Variants in PPM1H observed in about 807,000 individuals in gnomAD.
PPM1H encodes protein phosphatase, Mg2+/Mn2+ dependent 1H.
PPM1H carries 27 observed loss-of-function variants against 54.9 expected under a neutral mutation model. The ratio of observed to expected loss-of-function variants is 0.49; its 90% CI spans 0.36 to 0.68. PPM1H has a LOEUF of 0.68. Ranked by LOEUF, PPM1H falls within the 30% of genes least tolerant of loss-of-function variation. The pLI is 0.00. For synonymous variants in PPM1H, 305 were observed against 270.8 expected, an observed-to-expected ratio of 1.13 and a Z score of -1.24; for missense variants, 596 against 667.8, an observed-to-expected ratio of 0.89 and a Z score of 1.19.
chr12:62,727,729 T>G (rs189033480), intron 5 of PPM1H, among the ~76,000 whole-genome samples: 85 of 151,394 alleles, frequency 5.6e-4, no homozygotes, highest in Non-Finnish European at 4.4e-5. Context: ...GATGCAATCT[T>G]GGCTCACTGC....
chr12:62,653,638 T>G (rs2075827478), intron 9 of PPM1H, among the ~76,000 whole-genome samples: 1 of 152,350 alleles, frequency 6.6e-6, no homozygotes, highest in East Asian at 1.9e-4. Context: ...TGAAGAAGAA[T>G]AAGTGCTTCT....
intron 2 of PPM1H, among the ~76,000 whole-genome samples, chr12:62,819,829 C>G (rs1230345920): frequency 6.6e-6 from 1 of 152,182 alleles, no homozygotes; most frequent in Non-Finnish European, 1.5e-5. Flanking sequence ...CGAATGGAAA[C>G]AGCTCTGGTG....
At chr12:62,900,888 G>A (rs979132303) in intron 1 of PPM1H, among the ~76,000 whole-genome samples, 10 of 152,160 alleles carry the variant, frequency 6.6e-5, no homozygotes, top group African/African-American at 1.7e-4. Context: ...GGACTAATTT[G>A]AGCATGCCTT....
intron 5 of PPM1H, among the ~76,000 whole-genome samples, chr12:62,722,267 C>T (rs140027529): frequency 6.6e-6 from 1 of 152,156 alleles, no homozygotes; most frequent in African/African-American, 2.4e-5. Context: ...AGCATGAATA[C>T]AATCCACTAC....
intron 2 of PPM1H, among the ~76,000 whole-genome samples, chr12:62,818,821 CTTT>C (rs771501305): frequency 4.4e-5 from 6 of 135,814 alleles, no homozygotes; most frequent in Admixed American, 7.5e-5. Flanking sequence ...TTTTCTTTTT[CTTT>C]TTTTTTTTTT....
intron 4 of PPM1H, among the ~76,000 whole-genome samples, chr12:62,764,596 A>C (rs115491894): frequency 0.011 from 1,649 of 151,278 alleles, 22 homozygotes; most frequent in African/African-American, 0.037. Context: ...TTCCTCTCCC[A>C]TTTTGTTTTT....
chr12:62,709,815 A>T (rs2076196575), intron 6 of PPM1H, among the ~76,000 whole-genome samples: 1 of 152,246 alleles, frequency 6.6e-6, no homozygotes, highest in Non-Finnish European at 1.5e-5. Flanking sequence ...TCACGACTGT[A>T]ATCCTAGCAC....
At chr12:62,850,853 T>C (rs1371488820) in intron 1 of PPM1H, 1 of 151,984 alleles carries the variant, frequency 6.6e-6, no homozygotes, top group African/African-American at 2.4e-5. Flanking sequence ...AACCTCGCCC[T>C]GGGAAAACCA....
chr12:62,656,335 T>G (rs1210290333), intron 9 of PPM1H, among the ~76,000 whole-genome samples: 1 of 152,186 alleles, frequency 6.6e-6, no homozygotes, highest in Non-Finnish European at 1.5e-5. Flanking sequence ...GTAACAGCCA[T>G]GTGATCTTTC....
intron 1 of PPM1H, among the ~76,000 whole-genome samples, chr12:62,833,456 A>G (rs990130657): frequency 2.6e-5 from 4 of 152,228 alleles, no homozygotes; most frequent in African/African-American, 4.8e-5. Context: ...AAACGGTAAC[A>G]TCTTATATAA....
At chr12:62,711,966 T>G (rs531630001) in intron 6 of PPM1H, among the ~76,000 whole-genome samples, 2 of 152,294 alleles carry the variant, frequency 1.3e-5, no homozygotes, top group South Asian at 4.1e-4. Context: ...CATTCATCAC[T>G]GTCAGGAGAT....
At position 62,648,349 on chromosome 12, in the gene PPM1H, T is replaced by C; in HGVS notation, c.*140A>G. On this transcript the variant is annotated 3_prime_UTR_variant, in exon 10 of 10. Transcript: ENST00000228705. ...ACCAAAGGGTCATCTTGAAGCATAG[T>C]CTTTTGGCCATGAACTCCCCGCTTG... 2.9e-6 allele frequency: 3 copies of C among 1,048,524 alleles called. No homozygotes were observed. The highest frequency in any genetic ancestry group is 4.1e-6 in the Non-Finnish European group (3 of 724,468). The allele number at this position is 1,048,524 out of a possible 1,614,324, so 65.0% of individuals were successfully genotyped here. A position where few individuals can be genotyped will look rare whatever the true frequency, so the allele number is the denominator to read the frequency against.
intron 1 of PPM1H, among the ~76,000 whole-genome samples, chr12:62,897,156 G>A (rs1287350188): frequency 6.6e-6 from 1 of 151,552 alleles, no homozygotes; most frequent in African/African-American, 2.4e-5. Flanking sequence ...TGTAAATGAC[G>A]AGTTAATGGG....
intron 1 of PPM1H, among the ~76,000 whole-genome samples, chr12:62,927,754 T>C (rs1399129360): frequency 6.6e-6 from 1 of 151,944 alleles, no homozygotes; most frequent in Non-Finnish European, 1.5e-5. Context: ...AGACATGTTA[T>C]AAGACATGTA....
chr12:62,701,906 C>T (rs572273288), intron 6 of PPM1H, among the ~76,000 whole-genome samples: 1 of 152,350 alleles, frequency 6.6e-6, no homozygotes, highest in Admixed American at 6.5e-5. Context: ...ACATCCTGCA[C>T]ATTAACTCCA....
chr12:62,688,067 G>A (rs1438021444), intron 8 of PPM1H, among the ~76,000 whole-genome samples: 1 of 151,428 alleles, frequency 6.6e-6, no homozygotes, highest in Admixed American at 6.6e-5. Context: ...AAATGCTATT[G>A]GTTCCTGACT....
At chr12:62,760,750 G>A (rs1054948692) in intron 4 of PPM1H, among the ~76,000 whole-genome samples, 1 of 152,162 alleles carries the variant, frequency 6.6e-6, no homozygotes, top group Non-Finnish European at 1.5e-5. Flanking sequence ...CGACTTAAAT[G>A]TCATCCTAAT....
rs1166515505 is a variant in PPM1H at position 62,648,606 on chromosome 12, C to T, written c.1428G>A (p.Met476Ile). 6 of 1,613,888 alleles carry T rather than the reference C, an allele frequency of 3.7e-6. No homozygotes were observed. Among genetic ancestry groups the T allele is most frequent in the East Asian group, 2.2e-5 (1 of 44,888 alleles). ...TGTCCTTCAGCACACCCCGGGCACG[C>T]ATCACCAGGTCCTGAGCTGCCAGTG... ...RYTLAAQDLVMRARGVLKDRG... is the reference protein window; with the variant it reads ...RYTLAAQDLVIRARGVLKDRG... Residue 476 changes from methionine (M) to isoleucine (I), a missense_variant, in exon 10 of 10, where the codon ATG (methionine) becomes ATA (isoleucine). Coordinates refer to ENST00000228705, the MANE Select transcript of PPM1H (RefSeq NM_020700.2).
chr12:62,707,182 C>T (rs745460835), intron 6 of PPM1H, among the ~76,000 whole-genome samples: 1 of 152,156 alleles, frequency 6.6e-6, no homozygotes, highest in Non-Finnish European at 1.5e-5. Flanking sequence ...GGTCTCCTGA[C>T]CTATCCCATG....
Sources: allele counts gnomAD v4.1 joint callset (sites outside exome capture counted in the v4.1 genomes callset), GRCh38; gene constraint gnomAD v4.1.1; transcripts MANE v1.5; gene names NCBI Gene and HGNC (gene_info 2026-07-23, HGNC 2026-07-21).